The following ZNF131 variants were observed in gnomAD, a reference collection of about 807,000 sequenced individuals.
ZNF131 encodes zinc finger and BTB domain containing 35, also known as zinc finger protein 131.
ZNF131 carries 7 observed loss-of-function variants against 60.0 expected under a neutral mutation model. The ratio of observed to expected loss-of-function variants is 0.12; its 90% CI spans 0.07 to 0.22. ZNF131 has a LOEUF of 0.22. Among genes scored for constraint, ZNF131 ranks in the 10% least tolerant of loss-of-function variants. The pLI, the probability that ZNF131 is intolerant of heterozygous loss-of-function variation, is 1.00. For missense variants in ZNF131, 493 were observed against 740.9 expected, an observed-to-expected ratio of 0.67 and a Z score of 3.88; for synonymous variants, 257 against 253.2, an observed-to-expected ratio of 1.01 and a Z score of -0.14.
At chr5:43,151,775 C>G (rs1748343439) in intron 4 of ZNF131, among the ~76,000 whole-genome samples, 1 of 152,022 alleles carries the variant, frequency 6.6e-6, no homozygotes, top group African/African-American at 2.4e-5. Flanking sequence ...TAGTACCTGG[C>G]TTCCACACAA....
chr5:43,144,011 C>G (rs1484639963), intron 4 of ZNF131, among the ~76,000 whole-genome samples: 2 of 143,028 alleles, frequency 1.4e-5, no homozygotes, highest in Non-Finnish European at 3.0e-5. Flanking sequence ...CAAGCTCCAC[C>G]TCCCAGGTTC....
At chr5:43,162,611 GAAAA>G (rs1433448513) in intron 5 of ZNF131, among the ~76,000 whole-genome samples, 1 of 94,716 alleles carries the variant, frequency 1.1e-5, no homozygotes, top group Non-Finnish European at 2.3e-5. Context: ...AAAAAGAAAA[GAAAA>G]AAAAGCGGCC....
At chr5:43,155,051 G>A (rs1238461328) in intron 4 of ZNF131, among the ~76,000 whole-genome samples, 1 of 152,186 alleles carries the variant, frequency 6.6e-6, no homozygotes, top group African/African-American at 2.4e-5. Flanking sequence ...TTGGTGCAGA[G>A]GCTGAGCACT....
intron 4 of ZNF131, among the ~76,000 whole-genome samples, chr5:43,153,086 A>G (rs1748524055): frequency 6.6e-6 from 1 of 152,188 alleles, no homozygotes. Context: ...TTTAAAACTT[A>G]GAGACCCATT....
Position 43,134,693 on chromosome 5 carries a change from CTTTTT to C in ZNF131, c.227-4454_227-4450del, listed in dbSNP as rs149464238. Among the ~76,000 whole-genome samples, 453 of 88,418 alleles carry C rather than the reference CTTTTT, an allele frequency of 5.1e-3. 4 individuals are homozygous for C. Among genetic ancestry groups the C allele is most frequent in the Middle Eastern group, 0.041 (4 of 98 alleles). 58.0% of individuals were successfully genotyped at this position (88,418 alleles called of 152,430 possible). On this transcript the variant is annotated intron_variant, in intron 3 of 6. Coordinates refer to ENST00000682664, the MANE Select transcript of ZNF131 (RefSeq NM_001330707.2). ...AAAAGTCAGTTGCTTTTCTTTTTTT[CTTTTT>C]TTTTTTTTTTTTTTTTTGGGAGACA...
chr5:43,166,656 G>A (rs1750396242), intron 5 of ZNF131, among the ~76,000 whole-genome samples: 1 of 150,662 alleles, frequency 6.6e-6, no homozygotes, highest in African/African-American at 2.4e-5. Flanking sequence ...ACCATGCCCA[G>A]CCGTGACCCT....
At chr5:43,131,470 GC>G (rs1416430267) in intron 3 of ZNF131, among the ~76,000 whole-genome samples, 15 of 152,166 alleles carry the variant, frequency 9.9e-5, no homozygotes, top group African/African-American at 3.6e-4. Flanking sequence ...ACCGCGCCTG[GC>G]CCTTATCACA....
intron 4 of ZNF131, among the ~76,000 whole-genome samples, chr5:43,142,115 G>T (rs1017405915): frequency 3.3e-5 from 5 of 151,884 alleles, no homozygotes; most frequent in South Asian, 2.1e-4. Flanking sequence ...GCCGAGGCGG[G>T]TGGATCACTA....
chr5:43,144,500 G>T (rs1399040254), intron 4 of ZNF131, among the ~76,000 whole-genome samples: 2 of 152,042 alleles, frequency 1.3e-5, no homozygotes, highest in African/African-American at 4.8e-5. Flanking sequence ...AAAGTACTGG[G>T]ATGACAGGCA....
chr5:43,153,394 G>A (rs1271374988), intron 4 of ZNF131, among the ~76,000 whole-genome samples: 2 of 150,632 alleles, frequency 1.3e-5, no homozygotes, highest in South Asian at 2.1e-4. Flanking sequence ...GGAGGCTGAG[G>A]TGGGCAGATC....
intron 4 of ZNF131, among the ~76,000 whole-genome samples, chr5:43,154,451 G>T (rs1286466175): frequency 1.3e-5 from 2 of 152,022 alleles, no homozygotes; most frequent in African/African-American, 2.4e-5. Flanking sequence ...TGTCGGCAAT[G>T]GTGAAGCACC....
intron 4 of ZNF131, among the ~76,000 whole-genome samples, chr5:43,159,933 G>C (rs756079828): frequency 4.0e-4 from 61 of 151,996 alleles, no homozygotes; most frequent in Non-Finnish European, 8.4e-4. Context: ...CCAGCACTTT[G>C]GGGGAGGCCA....
In ZNF131 at chr5:43,173,466, C is replaced by A. The variant is rs1271419211; in HGVS notation, c.1185+18C>A. On this transcript the variant is annotated intron_variant, in intron 6 of 6. Coordinates refer to ENST00000682664, the MANE Select transcript of ZNF131 (RefSeq NM_001330707.2). ...AATGCCAGGTATGTGCAGATACATACATTCAGTTCTTAACAAAGGAGTCTT... is the reference window on the plus strand; with the variant it reads ...AATGCCAGGTATGTGCAGATACATAAATTCAGTTCTTAACAAAGGAGTCTT... 1.2e-6 allele frequency: 2 copies of A among 1,605,706 alleles called. No individual in the cohort carries two copies. Among genetic ancestry groups the A allele is most frequent in the Admixed American group, 1.7e-5 (1 of 59,262 alleles).
chr5:43,121,405 C>T (rs1445461135), intron 1 of ZNF131: 1 of 152,624 alleles, frequency 6.6e-6, no homozygotes, highest in Non-Finnish European at 1.5e-5. Context: ...CGCCAAATCC[C>T]CGCGCTCGGC....
chr5:43,145,479 A>G (rs1255368335), intron 4 of ZNF131, among the ~76,000 whole-genome samples: 2 of 152,076 alleles, frequency 1.3e-5, no homozygotes, highest in Non-Finnish European at 2.9e-5. Context: ...ATGGTGAAAC[A>G]TCGTCTTTAC....
intron 5 of ZNF131, among the ~76,000 whole-genome samples, chr5:43,166,964 C>T (rs752183170): frequency 7.2e-5 from 11 of 152,144 alleles, no homozygotes; most frequent in Non-Finnish European, 1.2e-4. Context: ...GGGTGAGACA[C>T]GTGACTTTCA....
intron 4 of ZNF131, among the ~76,000 whole-genome samples, chr5:43,151,365 T>A (rs1188834823): frequency 6.6e-6 from 1 of 152,248 alleles, no homozygotes; most frequent in Admixed American, 6.5e-5. Context: ...ACCCGAGGGC[T>A]GCTTGATCTT....
At chr5:43,121,935 T>G in intron 1 of ZNF131, 104 bp from the exon 2 acceptor site, 4 of 1,274,726 alleles carry the variant, frequency 3.1e-6, no homozygotes, top group East Asian at 2.7e-5. Flanking sequence ...CCCTCCCCCC[T>G]TCTTTTCACG....
intron 4 of ZNF131, among the ~76,000 whole-genome samples, chr5:43,157,724 G>A (rs1421615203): frequency 1.3e-5 from 2 of 152,220 alleles, no homozygotes; most frequent in African/African-American, 4.8e-5. Context: ...AAGGCTAAAT[G>A]TCTGAAATCA....
Sources: gnomAD v4.1 joint callset for allele counts (sites outside exome capture counted in the v4.1 genomes callset) on GRCh38, gnomAD v4.1.1 for gene constraint, MANE v1.5 for transcripts, NCBI Gene and HGNC (gene_info 2026-07-23, HGNC 2026-07-21) for gene names.